Variants in LYRM4 observed in about 807,000 individuals in gnomAD.
The protein encoded by LYRM4 is LYR motif-containing protein 4.
Under a neutral mutation model 11.7 loss-of-function variants are expected in LYRM4, and 9 were observed. That is an observed-to-expected ratio of 0.77 (90% CI 0.46 to 1.34). The LOEUF is 1.34. LYRM4 is among the 40% of genes most tolerant of loss of function. The pLI is 0.00. For synonymous variants in LYRM4, 42 were observed against 40.4 expected, an observed-to-expected ratio of 1.04 and a Z score of -0.15; for missense variants, 133 against 112.5, an observed-to-expected ratio of 1.18 and a Z score of -0.82.
the LYRM4 span, among the ~76,000 whole-genome samples, chr6:5,058,596 G>A: frequency 6.6e-6 from 1 of 152,076 alleles, no homozygotes; most frequent in Non-Finnish European, 1.5e-5. Context: ...GGCATCCCTC[G>A]GGGGGAACCC....
intron 2 of LYRM4, among the ~76,000 whole-genome samples, chr6:5,187,707 T>A (rs1383983041): frequency 5.3e-5 from 8 of 151,978 alleles, no homozygotes; most frequent in Admixed American, 6.6e-5. Context: ...TACCTATGTA[T>A]CAAACCTGCA....
At chr6:5,072,877 A>G in the LYRM4 span, among the ~76,000 whole-genome samples, 1 of 152,212 alleles carries the variant, frequency 6.6e-6, no homozygotes, top group Admixed American at 6.5e-5. Context: ...AATTTCCAGT[A>G]AAAATTAGAT....
At chr6:5,076,204 CG>C in the LYRM4 span, among the ~76,000 whole-genome samples, 18 of 152,146 alleles carry the variant, frequency 1.2e-4, no homozygotes, top group African/African-American at 4.1e-4. Context: ...TCTTGGCCTC[CG>C]GAAGTGTTGA....
chr6:5,107,737 C>T (rs1342599359), downstream of LYRM4: 5 of 152,176 alleles, frequency 3.3e-5, no homozygotes, highest in African/African-American at 1.2e-4. Context: ...AGGACTTTAT[C>T]CTGAAATTGG....
chr6:5,207,966 C>T (rs1008318614), intron 2 of LYRM4, among the ~76,000 whole-genome samples: 1 of 152,164 alleles, frequency 6.6e-6, no homozygotes, highest in Non-Finnish European at 1.5e-5. Flanking sequence ...TAATCTGATC[C>T]CTCTTCTGAG....
At chr6:5,169,699 C>T (rs1759305852) in intron 2 of LYRM4, among the ~76,000 whole-genome samples, 1 of 152,172 alleles carries the variant, frequency 6.6e-6, no homozygotes, top group African/African-American at 2.4e-5. Context: ...TCTTGGGATA[C>T]AATTCACAAT....
At chr6:5,198,015 C>T (rs1761168929) in intron 2 of LYRM4, among the ~76,000 whole-genome samples, 1 of 151,834 alleles carries the variant, frequency 6.6e-6, no homozygotes, top group Admixed American at 6.6e-5. Flanking sequence ...TACTAAAATA[C>T]AAAACAAAAA....
At chr6:5,217,144 C>A (rs1762320283) in intron 1 of LYRM4, among the ~76,000 whole-genome samples, 1 of 152,194 alleles carries the variant, frequency 6.6e-6, no homozygotes, top group African/African-American at 2.4e-5. Context: ...CAATGCGAGA[C>A]CCTGTCTTAA....
At chr6:5,169,305 T>C (rs546752177) in intron 2 of LYRM4, among the ~76,000 whole-genome samples, 1 of 152,250 alleles carries the variant, frequency 6.6e-6, no homozygotes, top group African/African-American at 2.4e-5. Context: ...TGGAATTCAA[T>C]GGTGGAGATA....
At chr6:5,098,270 A>C in the LYRM4 span, among the ~76,000 whole-genome samples, 7 of 152,222 alleles carry the variant, frequency 4.6e-5, no homozygotes, top group Admixed American at 4.6e-4. Flanking sequence ...CAGCCTCCCC[A>C]AAGTTGGCAC....
chr6:5,211,950 A>G (rs985589601), intron 2 of LYRM4, among the ~76,000 whole-genome samples: 1 of 152,036 alleles, frequency 6.6e-6, no homozygotes, highest in Non-Finnish European at 1.5e-5. Context: ...CATTCCCAAC[A>G]CTCTATTTTA....
downstream of LYRM4, chr6:5,107,759 G>A (rs1439141500): frequency 6.6e-6 from 1 of 152,140 alleles, no homozygotes; most frequent in African/African-American, 2.4e-5. Flanking sequence ...AGGGGGTGGT[G>A]GTTCATGCCT....
Position 5,211,517 on chromosome 6 carries a change from G to A in LYRM4, c.207+5101C>T, listed in dbSNP as rs9392664. On this transcript the variant is annotated intron_variant, in intron 2 of 2. Coordinates refer to ENST00000330636, the MANE Select transcript of LYRM4 (RefSeq NM_020408.6). ...TTACATTAACAAAAATGGATGCTAC[G>A]TGTAATGTTAACCCCTTTCCAATGA... Among the ~76,000 whole-genome samples the A allele has an allele frequency of 0.018, 2,677 of 152,268 alleles. 193 individuals are homozygous for A. The East Asian group carries it at 0.21, about 12-fold the overall frequency.
Position 5,169,196 on chromosome 6 carries a change from G to A in LYRM4, c.207+47422C>T, listed in dbSNP as rs1400851320. On this transcript the variant is annotated intron_variant, in intron 2 of 2. Transcript: ENST00000330636. ...CTCCTGCCTCAGCCTCTAGAGTAGC[G>A]GTGATTACAGGTGTGTGCCACCGTG... Among the ~76,000 whole-genome samples, 14 of 152,104 alleles carry A rather than the reference G, an allele frequency of 9.2e-5. No homozygotes were observed. In the East Asian group the frequency reaches 1.7e-3, roughly 19 times the overall value.
At chr6:5,189,306 T>A (rs192540359) in intron 2 of LYRM4, among the ~76,000 whole-genome samples, 2 of 152,014 alleles carry the variant, frequency 1.3e-5, no homozygotes, top group Admixed American at 1.3e-4. Context: ...AGGTTAGTGG[T>A]GAGCCTAAGG....
the LYRM4 span, among the ~76,000 whole-genome samples, chr6:5,049,643 C>G: frequency 7.3e-3 from 1,108 of 152,024 alleles, 15 homozygotes; most frequent in African/African-American, 0.026. Context: ...AAATTGAATT[C>G]CTTCTCCTGG....
chr6:5,060,540 C>G, the LYRM4 span, among the ~76,000 whole-genome samples: 964 of 151,424 alleles, frequency 6.4e-3, 9 homozygotes, highest in South Asian at 0.013. Context: ...CACTGTGTCA[C>G]CCAGGTTGGA....
intron 2 of LYRM4, among the ~76,000 whole-genome samples, chr6:5,189,749 A>G (rs1760647844): frequency 6.6e-6 from 1 of 152,236 alleles, no homozygotes; most frequent in Non-Finnish European, 1.5e-5. Context: ...AGTAAAACAC[A>G]CAAAGGTGGC....
At chr6:5,232,023 G>C (rs1045052738) in intron 1 of LYRM4, among the ~76,000 whole-genome samples, 6 of 152,170 alleles carry the variant, frequency 3.9e-5, no homozygotes, top group Non-Finnish European at 8.8e-5. Flanking sequence ...ATGCTTACTG[G>C]TTACCATGCC....
Sources: gnomAD v4.1 joint callset for allele counts (sites outside exome capture counted in the v4.1 genomes callset) on GRCh38, gnomAD v4.1.1 for gene constraint, MANE v1.5 for transcripts, NCBI Gene and HGNC (gene_info 2026-07-23, HGNC 2026-07-21) for gene names.